Variants in MTDH observed in about 807,000 individuals in gnomAD.
MTDH encodes the protein protein LYRIC.
A neutral mutation model predicts 72.7 loss-of-function variants in MTDH; 34 were observed. The observed-to-expected ratio is 0.47, with a 90% CI of 0.36 to 0.62. The LOEUF is 0.62. MTDH is among the 20% of genes least tolerant of loss of function. The pLI, the probability that MTDH is intolerant of heterozygous loss-of-function variation, is 0.00. For synonymous variants in MTDH, 266 were observed against 268.9 expected (o/e 0.99, Z 0.10); for missense variants, 677 against 699.4 (o/e 0.97, Z 0.36).
intron 9 of MTDH, among the ~76,000 whole-genome samples, chr8:97,716,788 T>A (rs1438601765): frequency 6.6e-6 from 1 of 152,176 alleles, no homozygotes; most frequent in Non-Finnish European, 1.5e-5. Flanking sequence ...CACTGCAGCC[T>A]CAACCTCCTG....
chr8:97,725,284 G>C lies in MTDH; in HGVS notation c.*614G>C, dbSNP rs1423826746. The C allele has an allele frequency of 6.6e-6, 1 of 152,596 alleles. No individual in the cohort carries two copies. Among genetic ancestry groups the C allele is most frequent in the East Asian group, 1.9e-4 (1 of 5,198 alleles). 9.5% of individuals were successfully genotyped at this position (152,596 alleles called of 1,614,324 possible). On this transcript the variant is annotated 3_prime_UTR_variant, in exon 12 of 12. Coordinates refer to ENST00000336273, the MANE Select transcript of MTDH (RefSeq NM_178812.4). ...AATACTGAAAATGCAGTTGACACTT[G>C]TGTATGGCTTATGAAGTTATTTTTG...
At chr8:97,697,658 T>C (rs1468125391) in intron 6 of MTDH, among the ~76,000 whole-genome samples, 1 of 152,150 alleles carries the variant, frequency 6.6e-6, no homozygotes, top group African/African-American at 2.4e-5. Context: ...GTGCTGGGAT[T>C]ACAGGCATGA....
intron 10 of MTDH, among the ~76,000 whole-genome samples, chr8:97,722,397 C>T (rs920439305): frequency 6.6e-6 from 1 of 152,042 alleles, no homozygotes; most frequent in Non-Finnish European, 1.5e-5. Context: ...GTCAAGAGAT[C>T]GAGACCATCC....
chr8:97,679,300 T>C (rs1337624135), intron 2 of MTDH, among the ~76,000 whole-genome samples: 2 of 152,096 alleles, frequency 1.3e-5, no homozygotes, highest in Non-Finnish European at 2.9e-5. Context: ...AAAAAAATTA[T>C]CTCACCCATG....
intron 2 of MTDH, among the ~76,000 whole-genome samples, chr8:97,664,699 TTTTC>T (rs138319339): frequency 0.01 from 1,558 of 152,148 alleles, 32 homozygotes; most frequent in African/African-American, 0.035. Flanking sequence ...TTTAGACTTA[TTTTC>T]TTTCTTTCTT....
At position 97,726,004 on chromosome 8, in the gene MTDH, G is replaced by A. The variant is rs1815336285; in HGVS notation, c.*1334G>A. Reference sequence around the variant, plus strand: ...CGATGTGATTGGCTTGTTTTTATGTGGCGCCAAGAACGAACCTGTTTAACA... The same window carrying A: ...CGATGTGATTGGCTTGTTTTTATGTAGCGCCAAGAACGAACCTGTTTAACA... On this transcript the variant is annotated 3_prime_UTR_variant, in exon 12 of 12. Coordinates refer to ENST00000336273, the MANE Select transcript of MTDH (RefSeq NM_178812.4). 6.6e-6 allele frequency: 1 copy of A among 152,610 alleles called. No individual in the cohort carries two copies. Among genetic ancestry groups the A allele is most frequent in the Non-Finnish European group, 1.5e-5 (1 of 68,034 alleles). 9.5% of individuals were successfully genotyped at this position (152,610 alleles called of 1,614,324 possible). A position where few individuals can be genotyped will look rare whatever the true frequency, so the allele number is the denominator to read the frequency against.
intron 5 of MTDH, 34 bp from the exon 6 acceptor site, chr8:97,690,918 C>T (rs944253705): frequency 1.4e-6 from 2 of 1,465,150 alleles, no homozygotes; most frequent in East Asian, 2.3e-5. Context: ...AAGTCATGTA[C>T]CTGTTTTTTA....
intron 1 of MTDH, among the ~76,000 whole-genome samples, chr8:97,659,627 GTT>G (rs1247883053): frequency 1.3e-5 from 2 of 152,136 alleles, no homozygotes; most frequent in African/African-American, 4.8e-5. Context: ...ACTTTGTATT[GTT>G]TTCTTGAGTA....
At chr8:97,679,363 G>C (rs1437415686) in intron 2 of MTDH, among the ~76,000 whole-genome samples, 2 of 152,014 alleles carry the variant, frequency 1.3e-5, no homozygotes, top group Non-Finnish European at 2.9e-5. Flanking sequence ...TAATAATAAA[G>C]TAGAAAGTAC....
At chr8:97,676,173 C>T (rs778488739) in intron 2 of MTDH, among the ~76,000 whole-genome samples, 2 of 152,176 alleles carry the variant, frequency 1.3e-5, no homozygotes, top group African/African-American at 2.4e-5. Context: ...CTCCTGGATG[C>T]ATGTGTTCCT....
At chr8:97,661,985 A>G (rs1812189161) in intron 2 of MTDH, among the ~76,000 whole-genome samples, 1 of 151,968 alleles carries the variant, frequency 6.6e-6, no homozygotes, top group Non-Finnish European at 1.5e-5. Flanking sequence ...TTTTCCAAGT[A>G]AGACAATCTA....
chr8:97,699,586 C>T (rs1231899065), intron 6 of MTDH, among the ~76,000 whole-genome samples, 168 bp from the exon 7 acceptor site: 1 of 152,174 alleles, frequency 6.6e-6, no homozygotes, highest in Non-Finnish European at 1.5e-5. Flanking sequence ...TAAAATTACC[C>T]TCAATTCTAC....
At chr8:97,704,582 C>G (rs1475032814) in intron 7 of MTDH, among the ~76,000 whole-genome samples, 1 of 151,836 alleles carries the variant, frequency 6.6e-6, no homozygotes, top group Admixed American at 6.6e-5. Flanking sequence ...GCAGTCCAGC[C>G]TGGGTGACAG....
In MTDH at chr8:97,727,693, C is replaced by T. The variant is rs1008871015; in HGVS notation, c.*3023C>T. The T allele has an allele frequency of 6.6e-6, 1 of 152,016 alleles. No homozygotes were observed. Among genetic ancestry groups the T allele is most frequent in the Non-Finnish European group, 1.5e-5 (1 of 68,000 alleles). 9.4% of individuals were successfully genotyped at this position (152,016 alleles called of 1,614,324 possible). On this transcript the variant is annotated 3_prime_UTR_variant, in exon 12 of 12. Coordinates refer to ENST00000336273, the MANE Select transcript of MTDH (RefSeq NM_178812.4). ...ATCAGGCCTGGAGGGGAACCTTGCT[C>T]ATGTTAGCAAGAAAGGTATCCTAGA...
At chr8:97,701,544 C>G (rs181717374) in intron 7 of MTDH, among the ~76,000 whole-genome samples, 4 of 152,006 alleles carry the variant, frequency 2.6e-5, no homozygotes, top group Non-Finnish European at 5.9e-5. Context: ...GTATTTAAAT[C>G]CAAGGTTTTA....
intron 6 of MTDH, among the ~76,000 whole-genome samples, chr8:97,692,706 T>G (rs1472931097): frequency 6.6e-6 from 1 of 151,904 alleles, no homozygotes; most frequent in Non-Finnish European, 1.5e-5. Context: ...AGATAATGTT[T>G]CACGGAATAT....
At chr8:97,704,446 A>G (rs1005622013) in intron 7 of MTDH, among the ~76,000 whole-genome samples, 2 of 152,122 alleles carry the variant, frequency 1.3e-5, no homozygotes, top group Non-Finnish European at 2.9e-5. Flanking sequence ...CTTCTCTACA[A>G]AAAGTTTAAA....
chr8:97,693,343 G>C (rs1441971457), intron 6 of MTDH, among the ~76,000 whole-genome samples: 1 of 151,788 alleles, frequency 6.6e-6, no homozygotes, highest in East Asian at 1.9e-4. Flanking sequence ...TTGTTTGCTT[G>C]TTTGTTTGTT....
intron 8 of MTDH, among the ~76,000 whole-genome samples, chr8:97,707,644 G>C (rs548193005): frequency 1.3e-5 from 2 of 152,090 alleles, no homozygotes; most frequent in South Asian, 4.1e-4. Flanking sequence ...AGATGATATG[G>C]AAATGAATTT....
Sources: gnomAD v4.1 joint callset for allele counts (sites outside exome capture counted in the v4.1 genomes callset) on GRCh38, gnomAD v4.1.1 for gene constraint, MANE v1.5 for transcripts, NCBI Gene and HGNC (gene_info 2026-07-23, HGNC 2026-07-21) for gene names.